The following CNTLN variants were observed in gnomAD, a reference collection of about 807,000 sequenced individuals.
The protein encoded by CNTLN is centlein.
In CNTLN, 212 loss-of-function variants were observed where a neutral mutation model predicts 180.0. The observed-to-expected ratio is 1.18, with a 90% CI of 1.05 to 1.32. The LOEUF (loss-of-function observed/expected upper bound fraction) is 1.32. Ranked by LOEUF, CNTLN falls within the 40% of genes most tolerant of loss-of-function variation. The probability of loss-of-function intolerance (pLI) is 0.00; values close to 1 mark genes in which losing one functional copy is unlikely to be tolerated. For missense variants in CNTLN, 2,095 were observed against 1,610.9 expected (o/e 1.30, Z -5.14); for synonymous variants, 722 against 563.1 (o/e 1.28, Z -3.99).
At chr9:17,375,224 A>G (rs893302724) in intron 13 of CNTLN, among the ~76,000 whole-genome samples, 1 of 152,204 alleles carries the variant, frequency 6.6e-6, no homozygotes, top group African/African-American at 2.4e-5. Flanking sequence ...AATTAAAACA[A>G]TTGAACTCAT....
chr9:17,258,070 G>C (rs1826647371), intron 5 of CNTLN, among the ~76,000 whole-genome samples: 1 of 150,674 alleles, frequency 6.6e-6, no homozygotes, highest in East Asian at 1.9e-4. Context: ...TGTCCTGAAT[G>C]GTATTGCCTA....
chr9:17,278,268 C>T (rs1352646887), intron 6 of CNTLN, among the ~76,000 whole-genome samples: 1 of 151,788 alleles, frequency 6.6e-6, no homozygotes, highest in Non-Finnish European at 1.5e-5. Context: ...AAGACTGGCC[C>T]ATTCTCAGTT....
intron 1 of CNTLN, among the ~76,000 whole-genome samples, chr9:17,139,288 G>A (rs1178472037): frequency 7.3e-5 from 11 of 151,610 alleles, no homozygotes; most frequent in Non-Finnish European, 2.9e-5. Context: ...GGGTTTCACC[G>A]TGTTGGTCAG....
chr9:17,367,983 A>G (rs1295784024), intron 13 of CNTLN, among the ~76,000 whole-genome samples: 1 of 152,052 alleles, frequency 6.6e-6, no homozygotes, highest in African/African-American at 2.4e-5. Context: ...GTAAAGGGTA[A>G]TTTGTCTTGC....
intron 14 of CNTLN, among the ~76,000 whole-genome samples, chr9:17,390,657 T>G (rs1256330048): frequency 6.6e-6 from 1 of 152,182 alleles, no homozygotes; most frequent in African/African-American, 2.4e-5. Flanking sequence ...TTCCCCAGAC[T>G]TTCATTCTCA....
chr9:17,328,849 ATGC>A lies in CNTLN; in HGVS notation c.1342-1779_1342-1777del, dbSNP rs1488365435. On this transcript the variant is annotated intron_variant, in intron 8 of 25. Transcript: ENST00000380647. ...TTTTTTATTGAGGAATTTTGAAGGAATGCTGCCTAAATATCCTTTATTGTTATC... is the reference window on the plus strand; with the variant it reads ...TTTTTTATTGAGGAATTTTGAAGGAATGCCTAAATATCCTTTATTGTTATC... 5.3e-5 allele frequency among the ~76,000 whole-genome samples: 8 copies of A among 152,160 alleles called. 1 individual carries two copies. The highest frequency in any genetic ancestry group is 1.9e-4 in the African/African-American group (8 of 41,546).
intron 6 of CNTLN, among the ~76,000 whole-genome samples, chr9:17,297,610 G>A (rs1818041160): frequency 6.6e-6 from 1 of 152,100 alleles, no homozygotes; most frequent in African/African-American, 2.4e-5. Flanking sequence ...TCGAAGGACT[G>A]GATTTTTCTT....
intron 2 of CNTLN, 38 bp from the exon 3 acceptor site, chr9:17,226,165 C>A: frequency 9.7e-7 from 1 of 1,031,454 alleles, no homozygotes; most frequent in Non-Finnish European, 1.4e-6. Context: ...TATTAGCTAC[C>A]AGTTATGACT....
At chr9:17,276,483 G>C (rs891073303) in intron 6 of CNTLN, among the ~76,000 whole-genome samples, 5 of 152,024 alleles carry the variant, frequency 3.3e-5, no homozygotes, top group Non-Finnish European at 7.4e-5. Context: ...TGGAGCTACT[G>C]TTTCTGTATG....
intron 2 of CNTLN, among the ~76,000 whole-genome samples, chr9:17,220,413 A>G (rs1466121923): frequency 3.9e-5 from 6 of 152,100 alleles, no homozygotes; most frequent in Admixed American, 3.9e-4. Context: ...CAGTTTTTTT[A>G]AAAACATTTA....
chr9:17,273,611 G>A (rs636093), intron 5 of CNTLN, 122 bp from the exon 6 acceptor site: 81,181 of 517,460 alleles, frequency 0.16, 7,123 homozygotes, highest in South Asian at 0.29. Context: ...ATTATTTTAA[G>A]TAAGTGAAAA....
At chr9:17,201,114 G>C (rs1369902737) in intron 2 of CNTLN, among the ~76,000 whole-genome samples, 1 of 152,138 alleles carries the variant, frequency 6.6e-6, no homozygotes, top group Non-Finnish European at 1.5e-5. Flanking sequence ...CATTGGTTCT[G>C]TTTATGTGAT....
At chr9:17,353,903 G>T (rs1015806254) in intron 12 of CNTLN, among the ~76,000 whole-genome samples, 2 of 152,192 alleles carry the variant, frequency 1.3e-5, no homozygotes, top group Admixed American at 6.5e-5. Flanking sequence ...CAAGGCTGGA[G>T]CCCACTCCCT....
chr9:17,259,963 GTC>G (rs1587375072), intron 5 of CNTLN, among the ~76,000 whole-genome samples: 1 of 137,272 alleles, frequency 7.3e-6, no homozygotes, highest in Non-Finnish European at 1.5e-5. Flanking sequence ...GGTTTTTTGT[GTC>G]TCTATTTCCT....
Position 17,298,359 on chromosome 9 carries a change from T to G in CNTLN, c.1146+7T>G. On this transcript the variant is annotated splice_region_variant and intron_variant, in intron 7 of 25. Transcript: ENST00000380647. ...AAGTATATCATATCAAAAAGTATGCTTTTATTCTGTAATAAAGATGTAAAT... is the reference window on the plus strand; with the variant it reads ...AAGTATATCATATCAAAAAGTATGCGTTTATTCTGTAATAAAGATGTAAAT... The G allele has an allele frequency of 2.5e-6, 4 of 1,604,854 alleles. No homozygotes were observed. The highest frequency in any genetic ancestry group is 1.1e-5 in the South Asian group (1 of 89,012).
Position 17,367,272 on chromosome 9 carries a change from ATC to A in CNTLN, c.1987+558_1987+559del, listed in dbSNP as rs369986340. On this transcript the variant is annotated intron_variant, in intron 13 of 25. Transcript: ENST00000380647. ...CAGAGAGCAAAACCGGGCCAAATGC[ATC>A]TCATGCCTGCCCACAGAAAGAGCAT... is the stretch of plus-strand genomic sequence containing the variant. Among the ~76,000 whole-genome samples the A allele has an allele frequency of 2.1e-3, 319 of 152,340 alleles. 1 individual carries two copies. Among genetic ancestry groups the A allele is most frequent in the African/African-American group, 7.3e-3 (302 of 41,586 alleles).
intron 23 of CNTLN, among the ~76,000 whole-genome samples, chr9:17,468,149 C>G (rs1223572057): frequency 6.6e-6 from 1 of 151,518 alleles, no homozygotes; most frequent in East Asian, 1.9e-4. Flanking sequence ...AAGGAAAAAC[C>G]AACACCACAT....
intron 5 of CNTLN, among the ~76,000 whole-genome samples, chr9:17,240,293 A>T (rs1401370497): frequency 1.3e-5 from 2 of 152,098 alleles, no homozygotes; most frequent in Non-Finnish European, 2.9e-5. Flanking sequence ...TGAGTTTTGT[A>T]TACTGATCTT....
intron 16 of CNTLN, among the ~76,000 whole-genome samples, chr9:17,414,970 C>T (rs144157961): frequency 1.3e-5 from 2 of 152,000 alleles, no homozygotes; most frequent in African/African-American, 4.8e-5. Flanking sequence ...CCTGTAGTCC[C>T]AGGTACTTGG....
Sources: allele counts gnomAD v4.1 joint callset (sites outside exome capture counted in the v4.1 genomes callset), GRCh38; gene constraint gnomAD v4.1.1; transcripts MANE v1.5; gene names NCBI Gene and HGNC (gene_info 2026-07-23, HGNC 2026-07-21).